Variants in CORO1C observed in about 807,000 individuals in gnomAD.
CORO1C encodes the protein coronin 1C, also known as coronin-1C.
A neutral mutation model predicts 51.2 loss-of-function variants in CORO1C; 14 were observed. That is an observed-to-expected ratio of 0.27 (90% CI 0.18 to 0.43). The LOEUF (loss-of-function observed/expected upper bound fraction) is 0.43. Among genes scored for constraint, CORO1C ranks in the 20% least tolerant of loss-of-function variants. The probability of loss-of-function intolerance (pLI) is 1.00; values close to 1 mark genes in which losing one functional copy is unlikely to be tolerated. For synonymous variants in CORO1C, 181 were observed against 210.5 expected (o/e 0.86, Z 1.21); for missense variants, 417 against 607.8 (o/e 0.69, Z 3.30).
chr12:108,696,979 T>A (rs182576919), intron 2 of CORO1C, among the ~76,000 whole-genome samples: 2 of 152,388 alleles, frequency 1.3e-5, no homozygotes, highest in Admixed American at 1.3e-4. Flanking sequence ...TGCTGCTTGC[T>A]GCATATGTGT....
intron 1 of CORO1C, among the ~76,000 whole-genome samples, chr12:108,721,195 C>T (rs983179307): frequency 1.3e-5 from 2 of 152,236 alleles, no homozygotes; most frequent in African/African-American, 4.8e-5. Context: ...ACCTTTATAA[C>T]TCCATAACCA....
At chr12:108,660,779 T>A (rs560937211) in intron 4 of CORO1C, among the ~76,000 whole-genome samples, 8 of 152,316 alleles carry the variant, frequency 5.3e-5, no homozygotes, top group African/African-American at 1.9e-4. Flanking sequence ...CTCTCCTTAA[T>A]CAGACTGAGG....
intron 3 of CORO1C, among the ~76,000 whole-genome samples, chr12:108,672,040 G>A (rs1240244989): frequency 6.6e-6 from 1 of 152,128 alleles, no homozygotes; most frequent in African/African-American, 2.4e-5. Context: ...TGGAATTACA[G>A]GTGTGAGGCA....
intron 1 of CORO1C, among the ~76,000 whole-genome samples, chr12:108,718,926 T>C (rs558617567): frequency 2.6e-5 from 4 of 152,262 alleles, no homozygotes; most frequent in Admixed American, 2.6e-4. Flanking sequence ...CAGCACACAT[T>C]CAATTTCACC....
chr12:108,660,503 C>T (rs889997131), intron 4 of CORO1C, among the ~76,000 whole-genome samples: 2 of 146,246 alleles, frequency 1.4e-5, no homozygotes, highest in Admixed American at 6.8e-5. Flanking sequence ...AAAAACTACA[C>T]AACAGTAACA....
chr12:108,668,535 G>C (rs928364549), intron 3 of CORO1C: 3 of 152,142 alleles, frequency 2.0e-5, no homozygotes, highest in African/African-American at 7.2e-5. Context: ...ACTATATTAG[G>C]AAAATTTATA....
intron 1 of CORO1C, among the ~76,000 whole-genome samples, chr12:108,702,482 C>A (rs1387854908): frequency 6.6e-6 from 1 of 152,200 alleles, no homozygotes; most frequent in Non-Finnish European, 1.5e-5. Context: ...TCACCAGGCC[C>A]TCCCTGATTA....
intron 8 of CORO1C, 33 bp downstream of exon 8, chr12:108,652,239 A>G (rs1179426453): frequency 6.2e-7 from 1 of 1,603,090 alleles, no homozygotes; most frequent in South Asian, 1.1e-5. Flanking sequence ...CAGTTACACC[A>G]ACCTAGAATA....
chr12:108,692,657 T>C (rs1391789391), intron 2 of CORO1C, among the ~76,000 whole-genome samples: 3 of 152,228 alleles, frequency 2.0e-5, no homozygotes, highest in African/African-American at 7.2e-5. Flanking sequence ...AGGCATGGTA[T>C]AGACCAAGTA....
chr12:108,678,215 T>C (rs2033980103), intron 3 of CORO1C, 57 bp downstream of exon 3: 1 of 1,546,798 alleles, frequency 6.5e-7, no homozygotes, highest in Non-Finnish European at 8.8e-7. Context: ...CACATGCTTT[T>C]GAAAGCAGTA....
intron 2 of CORO1C, among the ~76,000 whole-genome samples, chr12:108,679,571 T>C (rs1241412054): frequency 6.6e-6 from 1 of 152,226 alleles, no homozygotes; most frequent in African/African-American, 2.4e-5. Flanking sequence ...ACCACTGCAA[T>C]GTATGGCTTA....
chr12:108,679,816 T>G (rs1272672794), intron 2 of CORO1C, among the ~76,000 whole-genome samples: 1 of 152,250 alleles, frequency 6.6e-6, no homozygotes, highest in East Asian at 1.9e-4. Context: ...ACAAGTCATG[T>G]AATCTCTCTA....
At chr12:108,692,694 A>G (rs1203634073) in intron 2 of CORO1C, among the ~76,000 whole-genome samples, 1 of 152,046 alleles carries the variant, frequency 6.6e-6, no homozygotes, top group African/African-American at 2.4e-5. Context: ...CAATTCTCTG[A>G]GCTGACAGAA....
At position 108,658,909 on chromosome 12, in the gene CORO1C, A is replaced by T; in HGVS notation, c.459T>A (p.Asn153Lys). ...TTCCCACATTCCAGATGATAATGGC[A>T]TTATCACAGCCTAAAACAGGCAAAA... ...RNVLLSAGCD[N>K]AIIIWNVGTG... is the part of the protein sequence containing the mutation. The change falls in exon 5 of 11, where the codon AAT becomes AAA. Residue 153 changes from asparagine (N) to lysine (K), a missense_variant. Physicochemically the swap from Asn to Lys is moderately conservative, Grantham distance 94. Transcript: ENST00000261401. This position sits in a 1 kb window ranked among gnomAD's most constrained non-coding sequence, Gnocchi z 4.9. The T allele has an allele frequency of 3.7e-6, 6 of 1,606,934 alleles. No individual in the cohort carries two copies. The highest frequency in any genetic ancestry group is 5.1e-6 in the Non-Finnish European group (6 of 1,173,762).
chr12:108,687,620 A>G (rs948319792), intron 2 of CORO1C, among the ~76,000 whole-genome samples: 7 of 151,892 alleles, frequency 4.6e-5, no homozygotes, highest in Non-Finnish European at 4.4e-5. Context: ...CTCCATCTTT[A>G]CGAAAATTAC....
In CORO1C at chr12:108,658,754, T is replaced by C; in HGVS notation, c.614A>G (p.Lys205Arg). 6.2e-7 allele frequency: 1 copy of C among 1,609,994 alleles called. No homozygotes were observed. The highest frequency in any genetic ancestry group is 1.7e-5 in the Admixed American group (1 of 59,974). ...AATACTCACAGCAACAATCTCTTGT[T>C]TCCTGGGATCAATGACTCTCACTTT... ...DKKVRVIDPR[K>R]QEIVAEKEKA... The change falls in exon 5 of 11, where the codon AAA becomes AGA. Residue 205 changes from lysine (K) to arginine (R), a missense_variant. Coordinates refer to ENST00000261401, the MANE Select transcript of CORO1C (RefSeq NM_014325.4). The surrounding 1 kb of genome is among the most constrained non-coding windows in gnomAD (Gnocchi z 4.9).
At chr12:108,679,026 G>A (rs374284824) in intron 2 of CORO1C, among the ~76,000 whole-genome samples, 2 of 144,830 alleles carry the variant, frequency 1.4e-5, no homozygotes, top group African/African-American at 2.6e-5. Flanking sequence ...CAGGAGTATC[G>A]CTTGAACCCG....
At position 108,648,463 on chromosome 12, in the gene CORO1C, G is replaced by C. The variant is rs1352256899; in HGVS notation, c.1305+142C>G. The C allele has an allele frequency of 6.3e-6, 7 of 1,115,148 alleles. No homozygotes were observed. The African/African-American group carries it at 7.7e-5, about 12-fold the overall frequency. 69.1% of individuals were successfully genotyped at this position (1,115,148 alleles called of 1,614,324 possible). A position where few individuals can be genotyped will look rare whatever the true frequency, so the allele number is the denominator to read the frequency against. On this transcript the variant is annotated intron_variant, in intron 10 of 10. Coordinates refer to ENST00000261401, the MANE Select transcript of CORO1C (RefSeq NM_014325.4). ...CAAACCACCACCATCACGTGACCGA[G>C]GACCTTCTCCCACTTTTTCATTTAC...
chr12:108,711,268 G>A (rs2035172283), intron 1 of CORO1C, among the ~76,000 whole-genome samples: 1 of 152,122 alleles, frequency 6.6e-6, no homozygotes, highest in African/African-American at 2.4e-5. Flanking sequence ...TACTCGGGGA[G>A]CTGAGGTGGG....
Sources: gnomAD v4.1 joint callset for allele counts (sites outside exome capture counted in the v4.1 genomes callset) on GRCh38, gnomAD v4.1.1 for gene constraint, Gnocchi (gnomAD v3.1) non-coding constraint, MANE v1.5 for transcripts, NCBI Gene and HGNC (gene_info 2026-07-23, HGNC 2026-07-21) for gene names.